The following PRKAR2A variants were observed in gnomAD, a reference collection of about 807,000 sequenced individuals.
The protein encoded by PRKAR2A is protein kinase cAMP-dependent type II regulatory subunit alpha.
In PRKAR2A, 29 loss-of-function variants were observed where a neutral mutation model predicts 51.9. The ratio of observed to expected loss-of-function variants is 0.56; its 90% CI spans 0.42 to 0.76. PRKAR2A has a LOEUF of 0.76. PRKAR2A is among the 30% of genes least tolerant of loss of function. The probability of loss-of-function intolerance (pLI) is 0.00; values close to 1 mark genes in which losing one functional copy is unlikely to be tolerated. For missense variants in PRKAR2A, 445 were observed against 512.1 expected, an observed-to-expected ratio of 0.87 and a Z score of 1.26; for synonymous variants, 178 against 186.2, an observed-to-expected ratio of 0.96 and a Z score of 0.36.
intron 1 of PRKAR2A, among the ~76,000 whole-genome samples, chr3:48,813,154 C>A (rs1052683278): frequency 2.0e-5 from 3 of 150,858 alleles, no homozygotes; most frequent in Admixed American, 1.3e-4. Context: ...GGGCTCACAC[C>A]TGTAATCCCA....
At chr3:48,831,336 C>T (rs1485241604) in intron 1 of PRKAR2A, among the ~76,000 whole-genome samples, 2 of 150,790 alleles carry the variant, frequency 1.3e-5, no homozygotes, top group Non-Finnish European at 3.0e-5. Flanking sequence ...TGAACAATAA[C>T]TCTCTAGCCA....
At chr3:48,809,595 C>CAAAAAAA (rs57623385) in intron 1 of PRKAR2A, among the ~76,000 whole-genome samples, 5 of 49,352 alleles carry the variant, frequency 1.0e-4, no homozygotes, top group African/African-American at 5.1e-4. Flanking sequence ...GACTCCATCT[C>CAAAAAAA]AAAAAAAAAA....
chr3:48,846,011 C>T (rs1426656357), intron 1 of PRKAR2A, among the ~76,000 whole-genome samples: 1 of 151,770 alleles, frequency 6.6e-6, no homozygotes, highest in Non-Finnish European at 1.5e-5. Flanking sequence ...CAGTCTCCAA[C>T]TTGTTTCCTG....
chr3:48,781,137 A>AT (rs71077735), intron 5 of PRKAR2A, among the ~76,000 whole-genome samples: 6,902 of 124,254 alleles, frequency 0.056, 320 homozygotes, highest in African/African-American at 0.13. Flanking sequence ...TGCCTGGCTA[A>AT]TTTTTTTTTT....
At chr3:48,812,911 G>C (rs2082799888) in intron 1 of PRKAR2A, among the ~76,000 whole-genome samples, 1 of 152,124 alleles carries the variant, frequency 6.6e-6, no homozygotes, top group African/African-American at 2.4e-5. Flanking sequence ...TCTACAGACA[G>C]CAAAAGCTTC....
At chr3:48,794,710 A>T (rs558621459) in intron 2 of PRKAR2A, among the ~76,000 whole-genome samples, 1 of 152,132 alleles carries the variant, frequency 6.6e-6, no homozygotes, top group Admixed American at 6.5e-5. Flanking sequence ...AAATGAAAAG[A>T]GGGTAAGTTG....
chr3:48,811,923 GAAAAACAC>G (rs2082777676), intron 1 of PRKAR2A, among the ~76,000 whole-genome samples: 1 of 152,036 alleles, frequency 6.6e-6, no homozygotes. Flanking sequence ...GTTAAAACCA[GAAAAACAC>G]AAAGTAGATG....
At chr3:48,773,339 C>CTTTTTTTTTTTTTTT (rs34140561) in intron 5 of PRKAR2A, among the ~76,000 whole-genome samples, 1 of 87,660 alleles carries the variant, frequency 1.1e-5, no homozygotes, top group African/African-American at 4.7e-5. Context: ...ATTTTCTTTT[C>CTTTTTTTTTTTTTTT]TTTTTTTTTT....
At chr3:48,774,745 CAT>C (rs1276831914) in intron 5 of PRKAR2A, among the ~76,000 whole-genome samples, 2 of 152,166 alleles carry the variant, frequency 1.3e-5, no homozygotes, top group Admixed American at 6.6e-5. Flanking sequence ...CTACAAATGA[CAT>C]GACTTCTTTC....
chr3:48,793,929 G>T, intron 3 of PRKAR2A, 68 bp downstream of exon 3: 1 of 1,185,736 alleles, frequency 8.4e-7, no homozygotes, highest in Non-Finnish European at 1.2e-6. Flanking sequence ...TGAGTTTTTG[G>T]TATGTAGAGA....
chr3:48,804,153 C>A (rs904003656), intron 2 of PRKAR2A, among the ~76,000 whole-genome samples: 2 of 151,894 alleles, frequency 1.3e-5, no homozygotes, highest in African/African-American at 4.8e-5. Flanking sequence ...GTCGGTTTAG[C>A]AAAGCAAATA....
In PRKAR2A at chr3:48,847,028, G is replaced by T. The variant is rs974238304; in HGVS notation, c.262+307C>A. Among the ~76,000 whole-genome samples the T allele has an allele frequency of 1.1e-4, 17 of 152,386 alleles. No homozygotes were observed. The highest frequency in any genetic ancestry group is 3.6e-4 in the African/African-American group (15 of 41,596). Reference sequence around the variant, plus strand: ...CGCTGTTGTCTTCGAAGCCAAAACTGGTGAAGGGTCTTAAGCAAAGGCGAG... The same window carrying T: ...CGCTGTTGTCTTCGAAGCCAAAACTTGTGAAGGGTCTTAAGCAAAGGCGAG... On this transcript the variant is annotated intron_variant, in intron 1 of 10. Transcript: ENST00000265563. The surrounding 1 kb of genome is among the most constrained non-coding windows in gnomAD (Gnocchi z 4.4).
rs759597610 is a variant in PRKAR2A at position 48,847,644 on chromosome 3, T to C, written c.-48A>G. 6 of 1,399,864 alleles carry C rather than the reference T, an allele frequency of 4.3e-6. No homozygotes were observed. In the East Asian group the frequency reaches 8.9e-5, roughly 21 times the overall value. 86.7% of individuals were successfully genotyped at this position (1,399,864 alleles called of 1,614,324 possible). On this transcript the variant is annotated 5_prime_UTR_variant, in exon 1 of 11. Coordinates refer to ENST00000265563, the MANE Select transcript of PRKAR2A (RefSeq NM_004157.4). The surrounding 1 kb of genome is among the most constrained non-coding windows in gnomAD (Gnocchi z 4.4). ...GACGGGTTGGGCCGCCGGCGGCCAC[T>C]GTCTCCGCGCTCACTCACGCCGGCC...
At chr3:48,753,044 T>G (rs772283961) in intron 9 of PRKAR2A, among the ~76,000 whole-genome samples, 35 of 145,180 alleles carry the variant, frequency 2.4e-4, no homozygotes, top group Admixed American at 1.9e-3. Context: ...GCCATTCTCC[T>G]GCCTCAACCT....
intron 1 of PRKAR2A, among the ~76,000 whole-genome samples, chr3:48,836,660 C>T (rs1307475431): frequency 6.6e-6 from 1 of 151,324 alleles, no homozygotes; most frequent in Non-Finnish European, 1.5e-5. Context: ...GAATTAAAAA[C>T]ATTTGTGCTT....
chr3:48,790,409 C>T (rs1313859629), intron 4 of PRKAR2A, 135 bp downstream of exon 4: 1 of 514,416 alleles, frequency 1.9e-6, no homozygotes, highest in African/African-American at 2.0e-5. Context: ...ATGAAAACAT[C>T]TGTATGTAAG....
intron 1 of PRKAR2A, among the ~76,000 whole-genome samples, chr3:48,818,742 C>CA (rs1363410192): frequency 2.0e-5 from 3 of 150,736 alleles, no homozygotes; most frequent in East Asian, 4.0e-4. Flanking sequence ...GACCCTGTCT[C>CA]AAAAAAAAGA....
chr3:48,793,898 T>C (rs1291669282), intron 3 of PRKAR2A, 99 bp downstream of exon 3: 3 of 959,814 alleles, frequency 3.1e-6, no homozygotes, highest in Non-Finnish European at 4.9e-6. Context: ...TATTTTAATT[T>C]GTATTTAATT....
chr3:48,836,419 T>TAAAAAA (rs548970318), intron 1 of PRKAR2A, among the ~76,000 whole-genome samples: 32 of 56,092 alleles, frequency 5.7e-4, no homozygotes, highest in African/African-American at 8.1e-4. Context: ...AGACTCCGTC[T>TAAAAAA]AAAAAAAAAA....
Sources: gnomAD v4.1 joint callset for allele counts (sites outside exome capture counted in the v4.1 genomes callset) on GRCh38, gnomAD v4.1.1 for gene constraint, Gnocchi (gnomAD v3.1) non-coding constraint, MANE v1.5 for transcripts, NCBI Gene and HGNC (gene_info 2026-07-23, HGNC 2026-07-21) for gene names.